Variants in MMP26 observed in about 807,000 individuals in gnomAD.
The protein encoded by MMP26 is matrix metalloproteinase-26.
MMP26 carries 33 observed loss-of-function variants against 31.0 expected under a neutral mutation model. The observed-to-expected ratio is 1.06, with a 90% CI of 0.81 to 1.42. MMP26 has a LOEUF of 1.42. Ranked by LOEUF, MMP26 falls within the 40% of genes most tolerant of loss-of-function variation. MMP26 has a pLI of 0.00. For missense variants in MMP26, 347 were observed against 316.1 expected (o/e 1.10, Z -0.74); for synonymous variants, 122 against 114.9 (o/e 1.06, Z -0.40).
chr11:4,808,698 G>A (rs1445642425), intron 2 of MMP26, among the ~76,000 whole-genome samples: 1 of 151,412 alleles, frequency 6.6e-6, no homozygotes, highest in Non-Finnish European at 1.5e-5. Context: ...TCCCCATGAA[G>A]TTATGTCTCT....
intron 2 of MMP26, among the ~76,000 whole-genome samples, chr11:4,901,761 A>T (rs1850806042): frequency 6.6e-6 from 1 of 151,952 alleles, no homozygotes; most frequent in South Asian, 2.1e-4. Context: ...ATCCTTTCCC[A>T]CCTAAAGAGC....
chr11:4,821,811 C>G, intron 2 of MMP26: 1 of 1,612,798 alleles, frequency 6.2e-7, no homozygotes, highest in Non-Finnish European at 8.5e-7. Flanking sequence ...CCATCTGTTA[C>G]CCACTGAGAT....
At chr11:4,833,233 T>A (rs946320642) in intron 2 of MMP26, among the ~76,000 whole-genome samples, 2 of 152,220 alleles carry the variant, frequency 1.3e-5, no homozygotes. Flanking sequence ...GCATCTAATA[T>A]ACCACAGCTT....
chr11:4,924,253 G>A (rs776636581), intron 2 of MMP26: 31 of 1,614,046 alleles, frequency 1.9e-5, no homozygotes, highest in Non-Finnish European at 2.3e-5. Context: ...AGGGAATAGA[G>A]ATCCAGCCAT....
At chr11:4,871,689 T>G (rs1850312476) in intron 2 of MMP26, 1 of 152,164 alleles carries the variant, frequency 6.6e-6, no homozygotes, top group African/African-American at 2.4e-5. Context: ...ATCTCCGTGC[T>G]GCTGTGGTTG....
At chr11:4,819,596 T>TTTTTTTTA (rs1849467113) in intron 2 of MMP26, among the ~76,000 whole-genome samples, 1 of 76,086 alleles carries the variant, frequency 1.3e-5, no homozygotes, top group Non-Finnish European at 2.9e-5. Flanking sequence ...TTTTTTTTTT[T>TTTTTTTTA]GAGACAGTGT....
Position 4,789,530 on chromosome 11 carries a change from C to CTTTTTTTTTTTTTTTTTTTTT in MMP26, c.-145+22198_-145+22218dup, listed in dbSNP as rs71050429. Among the ~76,000 whole-genome samples the CTTTTTTTTTTTTTTTTTTTTT allele has an allele frequency of 3.0e-5, 2 of 65,972 alleles. 1 individual carries two copies. Among genetic ancestry groups the CTTTTTTTTTTTTTTTTTTTTT allele is most frequent in the African/African-American group, 1.1e-4 (2 of 18,646 alleles). 43.3% of individuals were successfully genotyped at this position (65,972 alleles called of 152,430 possible). A position where few individuals can be genotyped will look rare whatever the true frequency, so the allele number is the denominator to read the frequency against. On this transcript the variant is annotated intron_variant, in intron 2 of 7. Transcript: ENST00000380390. ...TCCTGAAGGTAAAGATATCCCCCCA[C>CTTTTTTTTTTTTTTTTTTTTT]TTTTTTTTTTTTTTTTTTTTTTTTT... is the stretch of plus-strand genomic sequence containing the variant.
chr11:4,798,028 C>T (rs771105033), intron 2 of MMP26, among the ~76,000 whole-genome samples: 16 of 152,214 alleles, frequency 1.1e-4, no homozygotes, highest in Non-Finnish European at 2.4e-4. Flanking sequence ...TGCTGAAATG[C>T]AGTGATGCAT....
intron 2 of MMP26, among the ~76,000 whole-genome samples, chr11:4,806,794 T>C (rs1298740976): frequency 6.6e-6 from 1 of 152,176 alleles, no homozygotes. Context: ...ATGTAGAGTA[T>C]GGTAAAAATT....
intron 2 of MMP26, among the ~76,000 whole-genome samples, chr11:4,831,825 A>T (rs1346924537): frequency 6.6e-6 from 1 of 152,232 alleles, no homozygotes; most frequent in African/African-American, 2.4e-5. Flanking sequence ...AGGGTTTCAA[A>T]AAAAGCGGGT....
intron 2 of MMP26, among the ~76,000 whole-genome samples, chr11:4,961,812 A>G (rs917664201): frequency 3.3e-5 from 5 of 152,202 alleles, no homozygotes; most frequent in African/African-American, 9.7e-5. Flanking sequence ...GAATTATGGT[A>G]TTCGGGATTG....
At chr11:4,876,845 T>TA (rs1308948111) in intron 2 of MMP26, 1 of 153,352 alleles carries the variant, frequency 6.5e-6, no homozygotes, top group Admixed American at 6.6e-5. Flanking sequence ...CAATAACTTT[T>TA]AATGGCTGCC....
intron 2 of MMP26, among the ~76,000 whole-genome samples, chr11:4,841,249 T>G (rs1329512334): frequency 2.0e-5 from 3 of 152,094 alleles, no homozygotes; most frequent in Admixed American, 2.0e-4. Context: ...GTTAGAAAAT[T>G]TATTTAAAGA....
intron 2 of MMP26, among the ~76,000 whole-genome samples, chr11:4,772,083 T>C (rs543388831): frequency 6.6e-6 from 1 of 152,244 alleles, no homozygotes; most frequent in African/African-American, 2.4e-5. Context: ...TGAGATTATT[T>C]GTATGATTTA....
At chr11:4,714,920 T>TCACACACACACACACACACACA (rs66913726) in intron 1 of MMP26, among the ~76,000 whole-genome samples, 3 of 141,696 alleles carry the variant, frequency 2.1e-5, no homozygotes, top group Admixed American at 2.1e-4. Context: ...TCTCTCTCTC[T>TCACACACACACACACACACACA]CACACACACA....
intron 2 of MMP26, among the ~76,000 whole-genome samples, chr11:4,770,224 TGTA>T (rs562786201): frequency 1.3e-5 from 2 of 152,326 alleles, no homozygotes; most frequent in East Asian, 3.9e-4. Flanking sequence ...TGCATCATAT[TGTA>T]AGATTATTTG....
At chr11:4,710,334 C>T (rs1475651757) in intron 1 of MMP26, 2 of 456,756 alleles carry the variant, frequency 4.4e-6, no homozygotes, top group Non-Finnish European at 8.8e-6. Flanking sequence ...CTTCTACATC[C>T]CCATGATCAG....
chr11:4,849,117 G>T, intron 2 of MMP26: 1 of 1,614,156 alleles, frequency 6.2e-7, no homozygotes, highest in Non-Finnish European at 8.5e-7. Context: ...CCAGGAGGGT[G>T]CACCTGATAG....
At chr11:4,924,983 T>C (rs1589941272) in intron 2 of MMP26, among the ~76,000 whole-genome samples, 1 of 152,238 alleles carries the variant, frequency 6.6e-6, no homozygotes, top group Non-Finnish European at 1.5e-5. Flanking sequence ...TTGTGTTATA[T>C]ATATATAAGT....
Sources: allele counts gnomAD v4.1 joint callset (sites outside exome capture counted in the v4.1 genomes callset), GRCh38; gene constraint gnomAD v4.1.1; transcripts MANE v1.5; gene names NCBI Gene and HGNC (gene_info 2026-07-23, HGNC 2026-07-21).